TBCK: variants seen among roughly 807,000 people sequenced by gnomAD.
TBCK encodes the protein TBC domain-containing protein kinase-like protein.
TBCK carries 99 observed loss-of-function variants against 113.4 expected under a neutral mutation model. That is an observed-to-expected ratio of 0.87 (90% CI 0.74 to 1.03). TBCK has a LOEUF of 1.03. Ranked by LOEUF, TBCK falls within the 50% of genes least tolerant of loss-of-function variation. The pLI is 0.00. For missense variants in TBCK, 1,045 were observed against 1,061.3 expected (o/e 0.98, Z 0.21); for synonymous variants, 369 against 370.8 (o/e 1.00, Z 0.05).
chr4:106,316,297 C>G (rs114717819), upstream of TBCK: 12,143 of 450,212 alleles, frequency 0.027, 245 homozygotes, highest in Non-Finnish European at 0.035. Context: ...GGTGTCCTTC[C>G]CCTTGCCCAA....
At chr4:106,310,884 G>A (rs767066679) in intron 1 of TBCK, among the ~76,000 whole-genome samples, 4 of 152,042 alleles carry the variant, frequency 2.6e-5, no homozygotes, top group Non-Finnish European at 5.9e-5. Flanking sequence ...AACAAACATA[G>A]AGAGATTTGA....
At chr4:106,218,089 C>G (rs201644108) in intron 19 of TBCK, among the ~76,000 whole-genome samples, 8 of 146,324 alleles carry the variant, frequency 5.5e-5, no homozygotes, top group Non-Finnish European at 1.1e-4. Context: ...TCTGATCTTT[C>G]ACAAACCTGA....
intron 22 of TBCK, chr4:106,182,276 G>C (rs759695471): frequency 6.6e-6 from 1 of 152,140 alleles, no homozygotes; most frequent in Middle Eastern, 3.2e-3. Flanking sequence ...GGGCTGAGAT[G>C]ATGGGGTTTT....
At chr4:106,201,615 G>A (rs1033949555) in intron 20 of TBCK, among the ~76,000 whole-genome samples, 6 of 151,940 alleles carry the variant, frequency 3.9e-5, no homozygotes, top group Non-Finnish European at 7.4e-5. Context: ...AGCATTTCAT[G>A]AGATCCTTCC....
chr4:106,275,613 CAT>C (rs1763941832), intron 3 of TBCK, among the ~76,000 whole-genome samples: 3 of 152,216 alleles, frequency 2.0e-5, no homozygotes, highest in Non-Finnish European at 2.9e-5. Flanking sequence ...AAAAAATTCA[CAT>C]ATTTCTATAT....
intron 25 of TBCK, among the ~76,000 whole-genome samples, chr4:106,087,324 C>T (rs576677313): frequency 6.6e-6 from 1 of 152,184 alleles, no homozygotes; most frequent in African/African-American, 2.4e-5. Flanking sequence ...GAGTGAACTC[C>T]CATTGAAAAT....
rs1467843481 is a variant in TBCK, at chr4:106,042,578, C to G, written c.*3992G>C. On this transcript the variant is annotated 3_prime_UTR_variant, in exon 26 of 26. Transcript: ENST00000394708. ...GTTTCACCGTGTTAGCCAGGATGGT[C>G]TCGATCTCCTGACCTTGTGATCTGC... 6.6e-6 allele frequency: 1 copy of G among 152,146 alleles called. No individual in the cohort carries two copies. Among genetic ancestry groups the G allele is most frequent in the African/African-American group, 2.4e-5 (1 of 41,410 alleles). The allele number at this position is 152,146 out of a possible 1,614,324, so 9.4% of individuals were successfully genotyped here. A position where few individuals can be genotyped will look rare whatever the true frequency, so the allele number is the denominator to read the frequency against.
intron 3 of TBCK, among the ~76,000 whole-genome samples, chr4:106,285,738 C>T (rs1765048972): frequency 6.6e-6 from 1 of 152,136 alleles, no homozygotes; most frequent in Non-Finnish European, 1.5e-5. Context: ...AAGTAAAAAT[C>T]ACAAATGTCA....
chr4:106,186,536 T>C (rs1371035041), intron 22 of TBCK, among the ~76,000 whole-genome samples: 1 of 152,236 alleles, frequency 6.6e-6, no homozygotes, highest in Non-Finnish European at 1.5e-5. Flanking sequence ...TGTCTTCTTT[T>C]GAGAAGTGTC....
At chr4:106,198,621 T>C (rs1273156796) in intron 20 of TBCK, among the ~76,000 whole-genome samples, 1 of 152,152 alleles carries the variant, frequency 6.6e-6, no homozygotes, top group African/African-American at 2.4e-5. Context: ...ATGCTTTGTA[T>C]CATATATAAT....
intron 22 of TBCK, among the ~76,000 whole-genome samples, chr4:106,191,082 C>A (rs1033425724): frequency 6.6e-5 from 10 of 152,198 alleles, no homozygotes; most frequent in Non-Finnish European, 1.5e-4. Context: ...AAATGAATGT[C>A]TGTGTCTGTA....
chr4:106,216,073 C>G (rs1302773831), intron 19 of TBCK, among the ~76,000 whole-genome samples: 1 of 152,000 alleles, frequency 6.6e-6, no homozygotes, highest in Non-Finnish European at 1.5e-5. Flanking sequence ...CACTCAAAAC[C>G]ACTCAACTAC....
intron 23 of TBCK, among the ~76,000 whole-genome samples, chr4:106,134,306 G>C (rs953139475): frequency 1.3e-5 from 2 of 151,768 alleles, no homozygotes; most frequent in Admixed American, 1.3e-4. Flanking sequence ...CATATTCTGT[G>C]GTAATTATAA....
intron 3 of TBCK, among the ~76,000 whole-genome samples, chr4:106,281,380 T>C (rs1471986273): frequency 6.6e-6 from 1 of 152,118 alleles, no homozygotes; most frequent in Non-Finnish European, 1.5e-5. Flanking sequence ...AATTCAACTT[T>C]TTCCTTTCCA....
At chr4:106,171,629 G>GATA (rs112999718) in intron 22 of TBCK, among the ~76,000 whole-genome samples, 28,554 of 151,936 alleles carry the variant, frequency 0.19, 2,698 homozygotes, top group South Asian at 0.25. Context: ...AATTTATGCT[G>GATA]ATGTTTCCAC....
chr4:106,123,552 C>T (rs1392541705), intron 23 of TBCK, among the ~76,000 whole-genome samples: 2 of 152,114 alleles, frequency 1.3e-5, no homozygotes, highest in African/African-American at 2.4e-5. Context: ...CAAAAAAGAG[C>T]CCACATCGCC....
At chr4:106,213,954 A>G (rs549786329) in intron 19 of TBCK, among the ~76,000 whole-genome samples, 2 of 152,322 alleles carry the variant, frequency 1.3e-5, no homozygotes, top group East Asian at 3.9e-4. Flanking sequence ...ACCTCTGCAG[A>G]CTTAAATGTC....
At chr4:106,126,140 T>A (rs1745187540) in intron 23 of TBCK, among the ~76,000 whole-genome samples, 1 of 152,220 alleles carries the variant, frequency 6.6e-6, no homozygotes, top group South Asian at 2.1e-4. Flanking sequence ...ATTTAATAAA[T>A]CCCTGCTTGC....
At position 106,260,479 on chromosome 4, in the gene TBCK, TA is replaced by T; in HGVS notation, c.412del (p.Tyr138IlefsTer3). On this transcript the variant is annotated frameshift_variant, in exon 5 of 26. Transcript: ENST00000394708. LOFTEE classifies it high-confidence loss of function. ...ATCATCACCATGAGCTGTCATGTGA[TA>T]AAGTCCAAATTTAGCCAATTTAATA... ...GHIKLAKFGLYHMTAHGDDVD... is the reference protein window; with the variant it reads ...GHIKLAKFGLXHMTAHGDDVD... 1 of 1,400,740 alleles carries T rather than the reference TA, an allele frequency of 7.1e-7. No individual in the cohort carries two copies. The highest frequency in any genetic ancestry group is 9.5e-7 in the Non-Finnish European group (1 of 1,055,072). 86.8% of individuals were successfully genotyped at this position (1,400,740 alleles called of 1,614,324 possible).
Sources: allele counts gnomAD v4.1 joint callset (sites outside exome capture counted in the v4.1 genomes callset), GRCh38; gene constraint gnomAD v4.1.1; transcripts MANE v1.5; gene names NCBI Gene and HGNC (gene_info 2026-07-23, HGNC 2026-07-21).